The following CNTNAP2 variants were observed in gnomAD, a reference collection of about 807,000 sequenced individuals.
The protein encoded by CNTNAP2 is contactin-associated protein-like 2.
CNTNAP2 carries 98 observed loss-of-function variants against 155.2 expected under a neutral mutation model. The observed-to-expected ratio is 0.63, with a 90% CI of 0.54 to 0.75. The LOEUF is 0.75. Ranked by LOEUF, CNTNAP2 falls within the 30% of genes least tolerant of loss-of-function variation. The pLI is 0.00. For missense variants in CNTNAP2, 1,727 were observed against 1,688.1 expected (o/e 1.02, Z -0.40); for synonymous variants, 651 against 631.2 (o/e 1.03, Z -0.47).
intron 13 of CNTNAP2, among the ~76,000 whole-genome samples, chr7:147,828,328 C>A (rs1288437067): frequency 1.3e-5 from 2 of 152,120 alleles, no homozygotes; most frequent in African/African-American, 4.8e-5. Flanking sequence ...CTGGAAGGGG[C>A]TTGGGCATTT....
At chr7:148,011,612 T>C (rs1802084097) in intron 15 of CNTNAP2, among the ~76,000 whole-genome samples, 1 of 152,224 alleles carries the variant, frequency 6.6e-6, no homozygotes, top group Non-Finnish European at 1.5e-5. Context: ...AGACTCATTT[T>C]GTCTTAGGTT....
intron 20 of CNTNAP2, among the ~76,000 whole-genome samples, chr7:148,255,601 A>G (rs1385484457): frequency 6.6e-6 from 1 of 152,240 alleles, no homozygotes; most frequent in Admixed American, 6.5e-5. Context: ...TAGTTTCACT[A>G]ATTCTTTTAA....
intron 1 of CNTNAP2, among the ~76,000 whole-genome samples, chr7:146,346,162 G>A (rs545083112): frequency 2.5e-4 from 38 of 152,246 alleles, no homozygotes; most frequent in East Asian, 2.3e-3. Context: ...CCCCTGGGCC[G>A]TGGACCTGGT....
intron 3 of CNTNAP2, among the ~76,000 whole-genome samples, chr7:147,009,072 C>A (rs1334476379): frequency 1.3e-5 from 2 of 151,256 alleles, no homozygotes; most frequent in South Asian, 2.1e-4. Context: ...AAAAATTATA[C>A]AAATGCCTTC....
intron 3 of CNTNAP2, among the ~76,000 whole-genome samples, chr7:146,891,045 A>C (rs1201012404): frequency 1.3e-5 from 2 of 152,216 alleles, no homozygotes; most frequent in Non-Finnish European, 2.9e-5. Flanking sequence ...TATATATCTC[A>C]TAGAATACTA....
chr7:146,905,137 G>A (rs1048659084), intron 3 of CNTNAP2, among the ~76,000 whole-genome samples: 21 of 151,986 alleles, frequency 1.4e-4, no homozygotes, highest in East Asian at 5.8e-4. Flanking sequence ...GCCTACCTCC[G>A]CCCCTACTCA....
chr7:147,295,106 C>T (rs995952735), intron 8 of CNTNAP2, among the ~76,000 whole-genome samples: 2 of 152,174 alleles, frequency 1.3e-5, no homozygotes, highest in Non-Finnish European at 2.9e-5. Context: ...CTAATAGTAA[C>T]TAGTATACAA....
At chr7:146,277,291 G>T (rs1169416299) in intron 1 of CNTNAP2, among the ~76,000 whole-genome samples, 1 of 152,096 alleles carries the variant, frequency 6.6e-6, no homozygotes, top group African/African-American at 2.4e-5. Context: ...TTTCTTTCAG[G>T]CCCCACACTT....
Position 148,420,808 on chromosome 7 carries a change from C to T in CNTNAP2, c.*5192C>T, listed in dbSNP as rs189654337. 1 of 152,728 alleles carries T rather than the reference C, an allele frequency of 6.5e-6. No homozygotes were observed. The highest frequency in any genetic ancestry group is 6.5e-5 in the Admixed American group (1 of 15,302). 9.5% of individuals were successfully genotyped at this position (152,728 alleles called of 1,614,324 possible). Reference sequence around the variant, plus strand: ...TAAATATTCTTTCTGTAAAGTCAAACAGGATTCCATCCCCTGTGAAATAAC... The same window carrying T: ...TAAATATTCTTTCTGTAAAGTCAAATAGGATTCCATCCCCTGTGAAATAAC... On this transcript the variant is annotated 3_prime_UTR_variant, in exon 24 of 24. Transcript: ENST00000361727.
chr7:148,267,465 G>C (rs945320124), intron 21 of CNTNAP2, among the ~76,000 whole-genome samples: 1 of 151,974 alleles, frequency 6.6e-6, no homozygotes, highest in Non-Finnish European at 1.5e-5. Context: ...GACCAGCCTG[G>C]CCAACATGGC....
chr7:147,078,432 T>G (rs11972428), intron 4 of CNTNAP2, among the ~76,000 whole-genome samples: 16,328 of 152,206 alleles, frequency 0.11, 2,358 homozygotes, highest in African/African-American at 0.33. Context: ...CATTTCCATC[T>G]GGAGCCCCGA....
intron 1 of CNTNAP2, among the ~76,000 whole-genome samples, chr7:146,134,260 T>C (rs1003149026): frequency 6.6e-6 from 1 of 150,438 alleles, no homozygotes; most frequent in African/African-American, 2.4e-5. Flanking sequence ...ACATTGATTT[T>C]GTATCCTGAG....
chr7:146,673,720 C>A (rs1217108634), intron 1 of CNTNAP2, among the ~76,000 whole-genome samples: 6 of 152,164 alleles, frequency 3.9e-5, no homozygotes, highest in African/African-American at 1.4e-4. Context: ...CTTTCCAAAC[C>A]TGCAGTGGAG....
chr7:147,842,512 TA>T (rs1798762065), intron 13 of CNTNAP2, among the ~76,000 whole-genome samples: 1 of 150,988 alleles, frequency 6.6e-6, no homozygotes, highest in African/African-American at 2.4e-5. Context: ...TTCAGCCATT[TA>T]AAAATAGCTT....
chr7:148,167,858 C>A lies in CNTNAP2; in HGVS notation c.2774-4384C>A, dbSNP rs1258153662. Among the ~76,000 whole-genome samples, 3 of 152,278 alleles carry A rather than the reference C, an allele frequency of 2.0e-5. No homozygotes were observed. The East Asian group carries it at 5.8e-4, about 29-fold the overall frequency. ...AAGTCCAAAGACCCAAGAATCAAGA[C>A]AGAAGCAGAGGGAGAAAACTCCGCC... On this transcript the variant is annotated intron_variant, in intron 17 of 23. Transcript: ENST00000361727.
chr7:147,955,202 G>T lies in CNTNAP2; in HGVS notation c.2256-22660G>T, dbSNP rs1031840163. On this transcript the variant is annotated intron_variant, in intron 14 of 23. Transcript: ENST00000361727. ...TTTTAAATCTTACAACTCGTTGATA[G>T]TCATCAAAATTGAAGATCCAAAAAG... is the stretch of plus-strand genomic sequence containing the variant. Among the ~76,000 whole-genome samples, 15 of 152,244 alleles carry T rather than the reference G, an allele frequency of 9.9e-5. No individual in the cohort carries two copies. The East Asian group carries it at 2.9e-3, about 29-fold the overall frequency.
chr7:147,571,156 C>T (rs1800281440), intron 12 of CNTNAP2, among the ~76,000 whole-genome samples: 1 of 151,556 alleles, frequency 6.6e-6, no homozygotes, highest in Non-Finnish European at 1.5e-5. Flanking sequence ...TTTTAGGGTA[C>T]ATGTGCACAA....
At position 146,434,368 on chromosome 7, in the gene CNTNAP2, C is replaced by T. The variant is rs188481332; in HGVS notation, c.97+317395C>T. Among the ~76,000 whole-genome samples the T allele has an allele frequency of 1.9e-3, 282 of 152,234 alleles. 1 individual carries two copies. The highest frequency in any genetic ancestry group is 5.9e-3 in the African/African-American group (246 of 41,544). On this transcript the variant is annotated intron_variant, in intron 1 of 23. Transcript: ENST00000361727. ...ATTAATGGTGCTTTCACAGATTTTA[C>T]GCCATTGTGAATGCATGTTGTCAGG...
intron 20 of CNTNAP2, among the ~76,000 whole-genome samples, chr7:148,247,110 C>CAAACT (rs1796275745): frequency 6.6e-6 from 1 of 152,140 alleles, no homozygotes; most frequent in Admixed American, 6.5e-5. Context: ...AACTATAATA[C>CAAACT]AAACTATAAA....
Sources: allele counts gnomAD v4.1 joint callset (sites outside exome capture counted in the v4.1 genomes callset), GRCh38; gene constraint gnomAD v4.1.1; transcripts MANE v1.5; gene names NCBI Gene and HGNC (gene_info 2026-07-23, HGNC 2026-07-21).